SUMF1: variants seen among roughly 807,000 people sequenced by gnomAD.
SUMF1 encodes the protein sulfatase modifying factor 1, also known as formylglycine-generating enzyme.
SUMF1 carries 48 observed loss-of-function variants against 47.6 expected under a neutral mutation model. That is an observed-to-expected ratio of 1.01 (90% CI 0.80 to 1.28). SUMF1 has a LOEUF of 1.28. Among genes scored for constraint, SUMF1 ranks in the 50% most tolerant of loss-of-function variants. The probability of loss-of-function intolerance (pLI) is 0.00; values close to 1 mark genes in which losing one functional copy is unlikely to be tolerated. For synonymous variants in SUMF1, 230 were observed against 192.1 expected (o/e 1.20, Z -1.63); for missense variants, 571 against 485.4 (o/e 1.18, Z -1.66).
chr3:4,091,940 C>T (rs1242722072), intron 8 of SUMF1, among the ~76,000 whole-genome samples: 1 of 151,844 alleles, frequency 6.6e-6, no homozygotes, highest in Non-Finnish European at 1.5e-5. Context: ...TTGGACCCCC[C>T]TCAAAGGACA....
chr3:4,294,809 G>A (rs1697813748), intron 8 of SUMF1, among the ~76,000 whole-genome samples: 1 of 152,086 alleles, frequency 6.6e-6, no homozygotes, highest in Non-Finnish European at 1.5e-5. Flanking sequence ...TCGCAAATGG[G>A]AGAAGTTCTA....
intron 8 of SUMF1, among the ~76,000 whole-genome samples, chr3:4,123,266 G>A (rs973878394): frequency 1.3e-5 from 2 of 152,006 alleles, no homozygotes; most frequent in Non-Finnish European, 2.9e-5. Context: ...CGGTGTGTGG[G>A]AGTGATACCA....
intron 7 of SUMF1, among the ~76,000 whole-genome samples, chr3:4,404,768 A>C (rs1318500346): frequency 6.6e-6 from 1 of 152,176 alleles, no homozygotes; most frequent in Non-Finnish European, 1.5e-5. Context: ...CCGTCTCAAA[A>C]ACTCAAAACA....
chr3:4,297,159 T>A (rs905469437), intron 8 of SUMF1, among the ~76,000 whole-genome samples: 1 of 152,146 alleles, frequency 6.6e-6, no homozygotes. Flanking sequence ...GCTAAAAACT[T>A]GGGCCGAGGC....
At chr3:4,255,453 G>A (rs1457821877) in intron 8 of SUMF1, among the ~76,000 whole-genome samples, 3 of 103,244 alleles carry the variant, frequency 2.9e-5, no homozygotes, top group Non-Finnish European at 6.1e-5. Flanking sequence ...AAAAAAGGCA[G>A]GGGTTGCAAT....
intron 8 of SUMF1, among the ~76,000 whole-genome samples, chr3:4,131,560 T>C (rs1310315202): frequency 6.6e-6 from 1 of 152,174 alleles, no homozygotes; most frequent in East Asian, 1.9e-4. Context: ...GTTGTGCACT[T>C]TGCATGGAAG....
At chr3:4,329,381 T>G (rs1256584692) in intron 8 of SUMF1, among the ~76,000 whole-genome samples, 1 of 152,222 alleles carries the variant, frequency 6.6e-6, no homozygotes, top group Admixed American at 6.5e-5. Flanking sequence ...GTACATCCTC[T>G]GAAATATAGG....
intron 8 of SUMF1, among the ~76,000 whole-genome samples, chr3:4,206,318 G>A (rs2125157476): frequency 6.6e-6 from 1 of 152,108 alleles, no homozygotes; most frequent in East Asian, 2.0e-4. Flanking sequence ...GCCCAGCAAA[G>A]CACCAGAACT....
intron 8 of SUMF1, among the ~76,000 whole-genome samples, chr3:4,326,047 C>T (rs1013318372): frequency 5.9e-5 from 9 of 152,136 alleles, no homozygotes; most frequent in Admixed American, 5.2e-4. Context: ...GTCTTGAACT[C>T]CTGACCTCAG....
At chr3:4,356,285 G>A (rs973389521), downstream of SUMF1, among the ~76,000 whole-genome samples, 1 of 152,198 alleles carries the variant, frequency 6.6e-6, no homozygotes, top group East Asian at 1.9e-4. Context: ...TAAATCAACA[G>A]TCAATAAATT....
At chr3:4,107,063 T>A (rs1693175326) in intron 8 of SUMF1, among the ~76,000 whole-genome samples, 1 of 152,080 alleles carries the variant, frequency 6.6e-6, no homozygotes, top group Admixed American at 6.6e-5. Context: ...TCAACTTCAT[T>A]CTACCATCAG....
At chr3:4,110,827 A>C (rs1303559120) in intron 8 of SUMF1, among the ~76,000 whole-genome samples, 1 of 120,786 alleles carries the variant, frequency 8.3e-6, no homozygotes, top group East Asian at 2.5e-4. Context: ...GGAACGTCAC[A>C]CACTGGGGCC....
At chr3:4,308,509 G>T (rs1698280576) in intron 8 of SUMF1, among the ~76,000 whole-genome samples, 1 of 152,180 alleles carries the variant, frequency 6.6e-6, no homozygotes, top group Non-Finnish European at 1.5e-5. Context: ...TTTATAAAGT[G>T]CCTGACATGG....
intron 8 of SUMF1, among the ~76,000 whole-genome samples, chr3:4,116,692 T>A (rs1198969220): frequency 2.6e-5 from 4 of 152,144 alleles, no homozygotes; most frequent in African/African-American, 9.7e-5. Context: ...TCAGAGACTC[T>A]TTGGTCTGTA....
intron 8 of SUMF1, among the ~76,000 whole-genome samples, chr3:4,118,007 G>A (rs1693459377): frequency 2.0e-5 from 3 of 151,944 alleles, no homozygotes; most frequent in Admixed American, 2.0e-4. Flanking sequence ...CTTTGAAGCA[G>A]GATTCTCAGC....
chr3:4,120,651 T>C (rs1268289072), intron 8 of SUMF1, among the ~76,000 whole-genome samples: 1 of 152,052 alleles, frequency 6.6e-6, no homozygotes, highest in African/African-American at 2.4e-5. Context: ...AGATAGAGAT[T>C]GTCTGGAGGA....
intron 1 of SUMF1, 89 bp from the exon 2 acceptor site, chr3:4,453,138 G>C: frequency 3.0e-6 from 4 of 1,355,198 alleles, no homozygotes; most frequent in South Asian, 1.2e-5. Context: ...CAGGAAGCAC[G>C]CAAGTTTGTA....
At chr3:4,137,182 C>T (rs1396656357) in intron 8 of SUMF1, among the ~76,000 whole-genome samples, 1 of 151,928 alleles carries the variant, frequency 6.6e-6, no homozygotes, top group Non-Finnish European at 1.5e-5. Context: ...TGTATGTTTA[C>T]TGAGGCACTA....
At chr3:4,442,433 G>A in intron 3 of SUMF1, among the ~76,000 whole-genome samples, 1 of 138,374 alleles carries the variant, frequency 7.2e-6, no homozygotes, top group East Asian at 2.2e-4. Context: ...TTTTTTTTTT[G>A]TATTTTTAGT....
Sources: gnomAD v4.1 joint callset for allele counts (sites outside exome capture counted in the v4.1 genomes callset) on GRCh38, gnomAD v4.1.1 for gene constraint, MANE v1.5 for transcripts, NCBI Gene and HGNC (gene_info 2026-07-23, HGNC 2026-07-21) for gene names.